AGBL4: variants seen among roughly 807,000 people sequenced by gnomAD.
AGBL4 encodes the protein AGBL carboxypeptidase 4, also known as cytosolic carboxypeptidase 6.
A neutral mutation model predicts 66.4 loss-of-function variants in AGBL4; 58 were observed. That is an observed-to-expected ratio of 0.87 (90% CI 0.71 to 1.09). The LOEUF (loss-of-function observed/expected upper bound fraction) is 1.09, where lower values mean the gene tolerates loss of function less well. Among genes scored for constraint, AGBL4 ranks in the 50% least tolerant of loss-of-function variants. The pLI, the probability that AGBL4 is intolerant of heterozygous loss-of-function variation, is 0.00. For missense variants in AGBL4, 579 were observed against 631.0 expected, an observed-to-expected ratio of 0.92 and a Z score of 0.88; for synonymous variants, 234 against 222.9, an observed-to-expected ratio of 1.05 and a Z score of -0.44.
chr1:48,939,465 T>C (rs1039947724), intron 5 of AGBL4, among the ~76,000 whole-genome samples: 1 of 152,180 alleles, frequency 6.6e-6, no homozygotes, highest in Non-Finnish European at 1.5e-5. Flanking sequence ...AATTAACAAA[T>C]TCAATTTGTT....
At chr1:49,963,689 G>T (rs983013136) in intron 1 of AGBL4, among the ~76,000 whole-genome samples, 97 of 152,108 alleles carry the variant, frequency 6.4e-4, no homozygotes, top group African/African-American at 2.2e-3. Flanking sequence ...TTTTCTATCG[G>T]CTACAAAGAA....
intron 2 of AGBL4, among the ~76,000 whole-genome samples, chr1:49,765,904 A>C (rs1199062113): frequency 6.6e-6 from 1 of 152,154 alleles, no homozygotes; most frequent in East Asian, 1.9e-4. Flanking sequence ...AAAATGTTTT[A>C]AATGAAAAGA....
intron 3 of AGBL4, among the ~76,000 whole-genome samples, chr1:49,620,453 A>G (rs1371622148): frequency 3.9e-5 from 6 of 152,176 alleles, no homozygotes; most frequent in African/African-American, 1.4e-4. Flanking sequence ...GTGATCATTA[A>G]AAAGTCAGGA....
intron 3 of AGBL4, among the ~76,000 whole-genome samples, chr1:49,499,373 AT>A (rs1175276745): frequency 1.3e-5 from 2 of 151,840 alleles, no homozygotes; most frequent in African/African-American, 2.4e-5. Context: ...TATTATTATT[AT>A]TATTTCAATA....
intron 3 of AGBL4, among the ~76,000 whole-genome samples, chr1:49,612,215 T>C (rs1326593544): frequency 6.6e-6 from 1 of 152,206 alleles, no homozygotes; most frequent in Non-Finnish European, 1.5e-5. Flanking sequence ...TGAAAGCCCC[T>C]ATGCAGAGTA....
intron 4 of AGBL4, among the ~76,000 whole-genome samples, chr1:49,062,680 A>G (rs1029020311): frequency 1.3e-5 from 2 of 152,192 alleles, no homozygotes; most frequent in African/African-American, 2.4e-5. Flanking sequence ...CATGTTCTCA[A>G]TGACATCTTA....
chr1:48,809,818 C>T (rs1196797864), intron 6 of AGBL4, among the ~76,000 whole-genome samples: 1 of 152,184 alleles, frequency 6.6e-6, no homozygotes, highest in African/African-American at 2.4e-5. Flanking sequence ...TTACTTCTGA[C>T]ACACTGTTGG....
intron 5 of AGBL4, among the ~76,000 whole-genome samples, chr1:49,024,112 T>C (rs959751586): frequency 3.3e-5 from 5 of 152,078 alleles, no homozygotes. Flanking sequence ...ATAAGTTGAG[T>C]TTACTAACAA....
At chr1:49,410,418 G>A (rs567403374) in intron 3 of AGBL4, among the ~76,000 whole-genome samples, 14 of 152,170 alleles carry the variant, frequency 9.2e-5, no homozygotes, top group Admixed American at 2.0e-4. Flanking sequence ...CTAGGTGTTT[G>A]AGGGGAAATG....
intron 3 of AGBL4, among the ~76,000 whole-genome samples, chr1:49,692,534 C>A (rs936094844): frequency 6.6e-6 from 1 of 151,870 alleles, no homozygotes; most frequent in Non-Finnish European, 1.5e-5. Context: ...CTGGCTAGCA[C>A]GGTGAAACCC....
rs576092865 is a variant in AGBL4 at position 49,185,406 on chromosome 1, C to A, written c.377+60364G>T. Among the ~76,000 whole-genome samples, 10 of 152,344 alleles carry A rather than the reference C, an allele frequency of 6.6e-5. No homozygotes were observed. The South Asian group carries it at 2.1e-3, about 32-fold the overall frequency. On this transcript the variant is annotated intron_variant, in intron 4 of 13. Transcript: ENST00000371839. ...AAAACTCTGGCTGGAGGTGATACCA[C>A]TTGTCCATAGTTAACGATGTGCCAA...
intron 3 of AGBL4, among the ~76,000 whole-genome samples, chr1:49,495,128 A>G (rs1367425559): frequency 1.3e-5 from 2 of 152,100 alleles, no homozygotes; most frequent in African/African-American, 2.4e-5. Flanking sequence ...TGGAGAGAAT[A>G]TACGTTTTAG....
intron 3 of AGBL4, among the ~76,000 whole-genome samples, chr1:49,419,364 G>A (rs558990390): frequency 1.1e-4 from 17 of 152,144 alleles, no homozygotes; most frequent in Admixed American, 2.6e-4. Flanking sequence ...CTGTGATATC[G>A]GTAACATAGT....
chr1:49,709,375 C>T (rs76828737), intron 2 of AGBL4, among the ~76,000 whole-genome samples: 2,771 of 152,296 alleles, frequency 0.018, 77 homozygotes, highest in African/African-American at 0.062. Flanking sequence ...AAACCACCTA[C>T]ACAAGCCTCA....
At chr1:49,875,167 T>C (rs1222053036) in intron 1 of AGBL4, among the ~76,000 whole-genome samples, 1 of 149,092 alleles carries the variant, frequency 6.7e-6, no homozygotes, top group Non-Finnish European at 1.5e-5. Context: ...TTATTATTTT[T>C]AATTATACTT....
intron 5 of AGBL4, among the ~76,000 whole-genome samples, chr1:48,973,574 C>A (rs540427493): frequency 2.6e-5 from 4 of 152,148 alleles, no homozygotes; most frequent in South Asian, 2.1e-4. Context: ...TGGGAAAAAA[C>A]CCCAATTCAT....
In AGBL4 at chr1:49,411,201, A is replaced by G. The variant is rs372940230; in HGVS notation, c.283-165337T>C. Among the ~76,000 whole-genome samples the G allele has an allele frequency of 3.3e-5, 5 of 152,234 alleles. No individual in the cohort carries two copies. In the East Asian group the frequency reaches 7.7e-4, roughly 23 times the overall value. ...AGCAAATCACTGGTGTAAATCCAAG[A>G]GTCCAAAGGCCAAATAACCTGGAGT... On this transcript the variant is annotated intron_variant, in intron 3 of 13. Coordinates refer to ENST00000371839, the MANE Select transcript of AGBL4 (RefSeq NM_032785.4).
intron 6 of AGBL4, among the ~76,000 whole-genome samples, chr1:48,849,988 A>T (rs975236000): frequency 6.6e-6 from 1 of 152,176 alleles, no homozygotes; most frequent in Non-Finnish European, 1.5e-5. Flanking sequence ...ATAAAATAAA[A>T]TAAGAAAATA....
chr1:49,327,749 AT>A (rs1383081662), intron 3 of AGBL4, among the ~76,000 whole-genome samples: 1 of 152,242 alleles, frequency 6.6e-6, no homozygotes, highest in Non-Finnish European at 1.5e-5. Context: ...ATACAGTTGC[AT>A]TAGAGATTAA....
Sources: gnomAD v4.1 joint callset for allele counts (sites outside exome capture counted in the v4.1 genomes callset) on GRCh38, gnomAD v4.1.1 for gene constraint, MANE v1.5 for transcripts, NCBI Gene and HGNC (gene_info 2026-07-23, HGNC 2026-07-21) for gene names.